Variants in PKD1 observed in about 807,000 individuals in gnomAD.
PKD1 encodes the protein polycystin-1.
Under a neutral mutation model 361.7 loss-of-function variants are expected in PKD1, and 81 were observed. The observed-to-expected ratio is 0.22, with a 90% CI of 0.19 to 0.27. PKD1 has a LOEUF of 0.27. Ranked by LOEUF, PKD1 falls within the 10% of genes least tolerant of loss-of-function variation. The pLI, the probability that PKD1 is intolerant of heterozygous loss-of-function variation, is 1.00. For synonymous variants in PKD1, 3,615 were observed against 2,818.3 expected, an observed-to-expected ratio of 1.28 and a Z score of -8.95; for missense variants, 6,399 against 6,118.3, an observed-to-expected ratio of 1.05 and a Z score of -1.53.
chr16:2,125,904 G>A (rs545460781), intron 1 of PKD1, among the ~76,000 whole-genome samples: 1 of 152,276 alleles, frequency 6.6e-6, no homozygotes, highest in African/African-American at 2.4e-5. Flanking sequence ...GAGGCTCAAG[G>A]GGCCCTCCTC....
rs1474401098 is a variant in PKD1, at chr16:2,093,612, G to T, written c.10948C>A (p.His3650Asn). 1 of 1,609,276 alleles carries T rather than the reference G, an allele frequency of 6.2e-7. No homozygotes were observed. Residue 3650 changes from histidine (H) to asparagine (N), a missense_variant, in exon 37 of 46, where the codon CAC becomes AAC. Physicochemically the swap from His to Asn is moderately conservative, Grantham distance 68 (BLOSUM62 1). Transcript: ENST00000262304. ...SARVPRVRPP[H>N]GFALFLAKEE... The stretch of plus-strand genomic sequence containing the variant: ...TTGGCCAGGAAGAGTGCAAAGCCGT[G>T]GGGTGGCCGTACGCGGGGCACACGT...
chr16:2,103,391 C>A lies in PKD1; in HGVS notation c.8666G>T (p.Ser2889Ile), dbSNP rs757969605. The A allele has an allele frequency of 6.3e-7, 1 of 1,599,350 alleles. No homozygotes were observed. Among genetic ancestry groups the A allele is most frequent in the Admixed American group, 1.7e-5 (1 of 59,856 alleles). Residue 2889 changes from serine (S) to isoleucine (I), a missense_variant, in exon 23 of 46, where the codon AGC becomes ATC. Physicochemically the swap from Ser to Ile is moderately radical, Grantham distance 142. Coordinates refer to ENST00000262304, the MANE Select transcript of PKD1 (RefSeq NM_001009944.3). The stretch of plus-strand genomic sequence containing the variant: ...AACGGAGTTGGCGGAGTTGGCGGAG[C>A]TGCGGTGGCCCCGGGCAGCCCAGTC... ...NSDWAARGHR[S>I]SANSANSVVV...
chr16:2,127,417 C>T (rs540088930), intron 1 of PKD1, among the ~76,000 whole-genome samples: 111 of 152,364 alleles, frequency 7.3e-4, no homozygotes, highest in African/African-American at 2.6e-3. Context: ...CGCGGCCCTG[C>T]GCTGAAGGCA....
rs531711109 is a variant in PKD1, at chr16:2,114,301, C to T, written c.2722G>A (p.Val908Met). The T allele has an allele frequency of 4.1e-5, 66 of 1,610,572 alleles. No homozygotes were observed. The highest frequency in any genetic ancestry group is 3.6e-4 in the South Asian group (33 of 90,984). Residue 908 changes from valine to methionine, a missense_variant, in exon 11 of 46, where the codon GTG (valine) becomes ATG (methionine). By Grantham distance (21) the Val-to-Met change is conservative (BLOSUM62 1). Coordinates refer to ENST00000262304, the MANE Select transcript of PKD1 (RefSeq NM_001009944.3). ...CTGTTTTCCACCACCACGTCCACCA[C>T]GTGCTCCCCCTCACTGAGCCACGGC... is the stretch of plus-strand genomic sequence containing the variant. ...ALPWLSEGEH[V>M]VDVVVENSAS...
chr16:2,089,978 C>A lies in PKD1; in HGVS notation c.12661G>T (p.Ala4221Ser), dbSNP rs1390253914. ...AGTCGGTCAAACTGGGTGAGCAGGG[C>A]CTCGAACACGGCTTGGAGGCGGGAG... is the stretch of plus-strand genomic sequence containing the variant. ...EPSRLQAVFE[A>S]LLTQFDRLNQ... The change falls in exon 46 of 46, where the codon GCC becomes TCC. Residue 4221 changes from alanine (A) to serine (S), a missense_variant. By Grantham distance (99) the Ala-to-Ser change is moderately conservative. Transcript: ENST00000262304. 6.2e-7 allele frequency: 1 copy of A among 1,611,820 alleles called. No individual in the cohort carries two copies. Among genetic ancestry groups the A allele is most frequent in the African/African-American group, 1.3e-5 (1 of 74,936 alleles).
rs755150845 is a variant in PKD1 at position 2,117,035 on chromosome 16, G to A, written c.1404C>T (p.Ile468=). 1.3e-5 allele frequency: 21 copies of A among 1,583,642 alleles called. No individual in the cohort carries two copies. Among genetic ancestry groups the A allele is most frequent in the East Asian group, 2.2e-5 (1 of 44,538 alleles). ...SRVTRSLDVW[I]GFSTVQGVEV... is the part of the protein sequence containing the mutation. ...CCACCCCCTGCACAGTCGAGAAGCCGATCCACACGTCTAGGCTCCTGGGGG... is the reference window on the plus strand; with the variant it reads ...CCACCCCCTGCACAGTCGAGAAGCCAATCCACACGTCTAGGCTCCTGGGGG... The change falls in exon 7 of 46, where the codon ATC becomes ATT. Residue 468 remains isoleucine, a synonymous_variant. Coordinates refer to ENST00000262304, the MANE Select transcript of PKD1 (RefSeq NM_001009944.3).
At chr16:2,101,765 GCA>G (rs1458393075) in intron 26 of PKD1, among the ~76,000 whole-genome samples, 2 of 152,272 alleles carry the variant, frequency 1.3e-5, no homozygotes, top group Non-Finnish European at 2.9e-5. Flanking sequence ...GCGGGTGGAT[GCA>G]CAGTCTCCCA....
chr16:2,130,933 C>T (rs2092868041), intron 1 of PKD1, among the ~76,000 whole-genome samples: 2 of 152,214 alleles, frequency 1.3e-5, no homozygotes, highest in African/African-American at 4.8e-5. Flanking sequence ...GACCCCCAGC[C>T]AGGGTGAGTG....
Position 2,102,599 on chromosome 16 carries a change from G to A in PKD1, c.8983C>T (p.Leu2995Phe), listed in dbSNP as rs767714125. 5.6e-6 allele frequency: 9 copies of A among 1,611,112 alleles called. No individual in the cohort carries two copies. The highest frequency in any genetic ancestry group is 4.5e-5 in the East Asian group (2 of 44,896). ...GCCGACCAGCGGAAGTGGCTGGAGA[G>A]GTTCAGATGGTAACTCCCCGCTGGG... ...RDPAGSYHLN[L>F]SSHFRWSALQ... Residue 2995 changes from leucine to phenylalanine, a missense_variant, in exon 25 of 46, where the codon CTC (leucine) becomes TTC (phenylalanine). Physicochemically the swap from Leu to Phe is conservative, Grantham distance 22 (BLOSUM62 0). Coordinates refer to ENST00000262304, the MANE Select transcript of PKD1 (RefSeq NM_001009944.3).
At chr16:2,116,403 A>G in intron 8 of PKD1, 126 bp downstream of exon 8, 2 of 636,628 alleles carry the variant, frequency 3.1e-6, no homozygotes, top group Non-Finnish European at 5.6e-6. Flanking sequence ...TTTCCCAACC[A>G]TCTTCACTGG....
At chr16:2,116,775 C>G in intron 7 of PKD1, 58 bp downstream of exon 7, 1 of 1,185,580 alleles carries the variant, frequency 8.4e-7, no homozygotes. Context: ...ACCGCGGGCG[C>G]TCGGCAGGCC....
Position 2,118,794 on chromosome 16 carries a change from C to T in PKD1, c.411G>A (p.Pro137=), listed in dbSNP as rs751337870. The T allele has an allele frequency of 2.1e-5, 33 of 1,549,948 alleles. No individual in the cohort carries two copies. In the East Asian group the frequency reaches 5.2e-4, roughly 24 times the overall value. ...GCACCTGCTGCTCCTCCGCCCATCG[C>T]GGCAGCCACGCCAGGCCACAGTCAC... is the stretch of plus-strand genomic sequence containing the variant. ...FECDCGLAWL[P]RWAEEQQVRV... The change falls in exon 4 of 46, where the codon CCG becomes CCA. Residue 137 remains proline, a synonymous_variant. Coordinates refer to ENST00000262304, the MANE Select transcript of PKD1 (RefSeq NM_001009944.3). This position sits in a 1 kb window ranked among gnomAD's most constrained non-coding sequence, Gnocchi z 6.0.
rs769587438 is a variant in PKD1 at position 2,114,363 on chromosome 16, C to G, written c.2660G>C (p.Trp887Ser). 1 of 1,609,886 alleles carries G rather than the reference C, an allele frequency of 6.2e-7. No homozygotes were observed. The highest frequency in any genetic ancestry group is 2.2e-4 in the Middle Eastern group (1 of 4,452). Residue 887 changes from tryptophan (W) to serine (S), a missense_variant, in exon 11 of 46, where the codon TGG (tryptophan) becomes TCG (serine). Physicochemically the swap from Trp to Ser is radical, Grantham distance 177. Coordinates refer to ENST00000262304, the MANE Select transcript of PKD1 (RefSeq NM_001009944.3). ...LVATFVPGCPWETNDTLFSVV... is the reference protein window; with the variant it reads ...LVATFVPGCPSETNDTLFSVV... ...TGAGAACAGGGTATCGTTGGTCTCC[C>G]AGGGGCAGCCGGGCACGAAGGTGGC...
At position 2,090,928 on chromosome 16, in the gene PKD1, C is replaced by T; in HGVS notation, c.11959G>A (p.Ala3987Thr). ...FDQVAQLSSA[A>T]RGLAASLLFL... ...AGCAGCGAGGCCGCCAGGCCACGGG[C>T]TGCGGAGCTCAGCTGCGCCACCTGG... is the stretch of plus-strand genomic sequence containing the variant. Residue 3987 changes from alanine to threonine, a missense_variant, in exon 43 of 46, where the codon GCC (alanine) becomes ACC (threonine). Coordinates refer to ENST00000262304, the MANE Select transcript of PKD1 (RefSeq NM_001009944.3). 1 of 1,580,706 alleles carries T rather than the reference C, an allele frequency of 6.3e-7. No homozygotes were observed. The highest frequency in any genetic ancestry group is 8.5e-7 in the Non-Finnish European group (1 of 1,170,132).
rs1464182233 is a variant in PKD1 at position 2,115,617 on chromosome 16, C to T, written c.1858G>A (p.Glu620Lys). The T allele has an allele frequency of 6.2e-7, 1 of 1,601,452 alleles. No homozygotes were observed. Among genetic ancestry groups the T allele is most frequent in the Admixed American group, 1.7e-5 (1 of 59,624 alleles). ...YRLLSTAGTPENGSEPESRSP... is the reference protein window; with the variant it reads ...YRLLSTAGTPKNGSEPESRSP... Reference sequence around the variant, plus strand: ...CTGCTCTCAGGCTCGCTGCCGTTCTCCGGGGTCCCTGTGAGGAGGGGAGGG... The same window carrying T: ...CTGCTCTCAGGCTCGCTGCCGTTCTTCGGGGTCCCTGTGAGGAGGGGAGGG... The change falls in exon 10 of 46, where the codon GAG (glutamate) becomes AAG (lysine). Residue 620 changes from glutamate to lysine, a missense_variant. Physicochemically the swap from Glu to Lys is moderately conservative, Grantham distance 56. Transcript: ENST00000262304.
intron 13 of PKD1, 110 bp from the exon 14 acceptor site, chr16:2,112,583 C>T (rs1351522395): frequency 9.3e-7 from 1 of 1,079,728 alleles, no homozygotes; most frequent in Non-Finnish European, 1.3e-6. Context: ...ACGCCCCGGG[C>T]CTCCATTCAG....
chr16:2,129,542 T>A (rs2092843170), intron 1 of PKD1, among the ~76,000 whole-genome samples: 1 of 62,154 alleles, frequency 1.6e-5, no homozygotes, highest in African/African-American at 1.3e-4. Flanking sequence ...GATCCTGTGA[T>A]TTTTTTTTTT....
Position 2,093,734 on chromosome 16 carries a change from A to G in PKD1, c.10826T>C (p.Leu3609Ser), listed in dbSNP as rs776847358. The G allele has an allele frequency of 1.3e-5, 20 of 1,582,956 alleles. No individual in the cohort carries two copies. The highest frequency in any genetic ancestry group is 1.7e-5 in the Non-Finnish European group (20 of 1,163,942). The change falls in exon 37 of 46, where the codon TTG becomes TCG. Residue 3609 changes from leucine (L) to serine (S), a missense_variant. Leu to Ser is a moderately radical substitution (Grantham distance 145). Coordinates refer to ENST00000262304, the MANE Select transcript of PKD1 (RefSeq NM_001009944.3). ...SFLGWEPLKV[L>S]LEALYFSLVA... is the part of the protein sequence containing the mutation. ...CAGTGAGAAGTACAGGGCTTCCAGCAAGACCTGGGGAGGGGGTGGCTTCAG... is the reference window on the plus strand; with the variant it reads ...CAGTGAGAAGTACAGGGCTTCCAGCGAGACCTGGGGAGGGGGTGGCTTCAG...
intron 20 of PKD1, 106 bp downstream of exon 20, chr16:2,105,759 T>G: frequency 2.9e-6 from 4 of 1,379,438 alleles, no homozygotes; most frequent in Non-Finnish European, 4.0e-6. Context: ...GGGATTTATC[T>G]CTGGGGCCCG....
Sources: gnomAD v4.1 joint callset for allele counts (sites outside exome capture counted in the v4.1 genomes callset) on GRCh38, gnomAD v4.1.1 for gene constraint, Gnocchi (gnomAD v3.1) non-coding constraint, MANE v1.5 for transcripts, NCBI Gene and HGNC (gene_info 2026-07-23, HGNC 2026-07-21) for gene names.